KRT9: variants seen among roughly 807,000 people sequenced by gnomAD.
KRT9 encodes keratin, type I cytoskeletal 9.
A neutral mutation model predicts 51.4 loss-of-function variants in KRT9; 34 were observed. The ratio of observed to expected loss-of-function variants is 0.66; its 90% confidence interval spans 0.50 to 0.88. The LOEUF (loss-of-function observed/expected upper bound fraction) is 0.88, where lower values mean the gene tolerates loss of function less well. KRT9 is among the 40% of genes least tolerant of loss of function. The pLI is 0.00. For missense variants in KRT9, 753 were observed against 790.3 expected (o/e 0.95, Z 0.57); for synonymous variants, 292 against 289.7 (o/e 1.01, Z -0.08).
intron 7 of KRT9, 50 bp downstream of exon 7, chr17:41,567,183 A>T: frequency 1.9e-6 from 3 of 1,582,630 alleles, no homozygotes; most frequent in Non-Finnish European, 2.6e-6. Context: ...CAAAAAAAAA[A>T]AAAGGTGAGA....
Position 41,571,923 on chromosome 17 carries a change from T to TAGGAA in KRT9, c.69_70insTTCCT (p.Ser24PhefsTer7). On this transcript the variant is annotated frameshift_variant, in exon 1 of 8. Coordinates refer to ENST00000246662, the MANE Select transcript of KRT9 (RefSeq NM_000226.4). LOFTEE classifies it high-confidence loss of function. ...TAGGAAGACCTTATGCTGCCCCCGC[T>TAGGAA]GCCCAGGCCGCCCCCGCCACCCCCG... 6.3e-7 allele frequency: 1 copy of TAGGAA among 1,586,966 alleles called. No homozygotes were observed. Among genetic ancestry groups the TAGGAA allele is most frequent in the South Asian group, 1.1e-5 (1 of 87,954 alleles).
In KRT9 at chr17:41,567,446, C is replaced by G; in HGVS notation, c.1699G>C (p.Gly567Arg). 6.4e-7 allele frequency: 1 copy of G among 1,555,978 alleles called. No individual in the cohort carries two copies. The highest frequency in any genetic ancestry group is 8.7e-7 in the Non-Finnish European group (1 of 1,149,306). ...NYGGGSGSGG[G>R]SGGGYGGGSG... ...CCTCCACCATAGCCACCCCCACTTC[C>G]TCCTCCAGAGCCACTTCCTCCTCCA... The change falls in exon 7 of 8, where the codon GGA becomes CGA. Residue 567 changes from glycine to arginine, a missense_variant. Gly to Arg is a moderately radical substitution (Grantham distance 125). Coordinates refer to ENST00000246662, the MANE Select transcript of KRT9 (RefSeq NM_000226.4).
intron 6 of KRT9, 59 bp from the exon 7 acceptor site, chr17:41,567,809 G>A: frequency 6.2e-7 from 1 of 1,609,918 alleles, no homozygotes; most frequent in Non-Finnish European, 8.5e-7. Flanking sequence ...CATATATGAG[G>A]ATGGACCTGG....
chr17:41,571,700 C>A lies in KRT9; in HGVS notation c.293G>T (p.Gly98Val), dbSNP rs914181565. 4 of 1,608,732 alleles carry A rather than the reference C, an allele frequency of 2.5e-6. No individual in the cohort carries two copies. Among genetic ancestry groups the A allele is most frequent in the Non-Finnish European group, 3.4e-6 (4 of 1,177,660 alleles). Residue 98 changes from glycine to valine, a missense_variant, in exon 1 of 8, where the codon GGT becomes GTT. Physicochemically the swap from Gly to Val is moderately radical, Grantham distance 109 (BLOSUM62 -3). Transcript: ENST00000246662. ...GGFGGGSRGF[G>V]GASGGGYSSS... ...ACTATAGCCTCCTCCAGAAGCACCA[C>A]CAAAACCTCTGGAACCACCCCCAAA...
In KRT9 at chr17:41,571,889, A is replaced by G; in HGVS notation, c.104T>C (p.Phe35Ser). 1 of 1,609,480 alleles carries G rather than the reference A, an allele frequency of 6.2e-7. No individual in the cohort carries two copies. Among genetic ancestry groups the G allele is most frequent in the Non-Finnish European group, 8.5e-7 (1 of 1,178,106 alleles). ...TCCTCCACCGCCCCCTGAGGAGCTG[A>G]AGCGGCTGTAGGAAGACCTTATGCT... Reference protein sequence around the residue: ...GGSIRSSYSRFSSSGGGGGGG... With the variant: ...GGSIRSSYSRSSSSGGGGGGG... Residue 35 changes from phenylalanine (F) to serine (S), a missense_variant, in exon 1 of 8, where the codon TTC becomes TCC. By Grantham distance (155) the Phe-to-Ser change is radical. Transcript: ENST00000246662.
chr17:41,567,815 C>T (rs1389641989), intron 6 of KRT9, 65 bp from the exon 7 acceptor site: 1 of 1,607,556 alleles, frequency 6.2e-7, no homozygotes, highest in Non-Finnish European at 8.5e-7. Context: ...TGAGGATGGA[C>T]CTGGACAGAG....
Position 41,571,727 on chromosome 17 carries a change from C to A in KRT9, c.266G>T (p.Gly89Val), listed in dbSNP as rs1172582138. ...GGFSASSLGG[G>V]FGGGSRGFGG... Reference sequence around the variant, plus strand: ...AAAACCTCTGGAACCACCCCCAAAGCCACCGCCTAAACTACTGGCACTAAA... The same window carrying A: ...AAAACCTCTGGAACCACCCCCAAAGACACCGCCTAAACTACTGGCACTAAA... Residue 89 changes from glycine to valine, a missense_variant, in exon 1 of 8, where the codon GGC (glycine) becomes GTC (valine). Transcript: ENST00000246662. 6.2e-7 allele frequency: 1 copy of A among 1,612,856 alleles called. No individual in the cohort carries two copies. Among genetic ancestry groups the A allele is most frequent in the Non-Finnish European group, 8.5e-7 (1 of 1,179,536 alleles).
intron 3 of KRT9, 76 bp downstream of exon 3, chr17:41,569,783 G>C: frequency 6.3e-7 from 1 of 1,580,282 alleles, no homozygotes; most frequent in Non-Finnish European, 8.7e-7. Context: ...CCCAGGTAAT[G>C]TTCCAAAGCT....
rs766003500 is a variant in KRT9, at chr17:41,571,341, C to T, written c.642+10G>A. The T allele has an allele frequency of 1.4e-5, 22 of 1,610,484 alleles. No homozygotes were observed. The highest frequency in any genetic ancestry group is 2.5e-6 in the Non-Finnish European group (3 of 1,176,848). ...AAGAGACCAAGACAGAGACAGTTTCCTGCACCTACCTGGTCCTTGAGATCA... is the reference window on the plus strand; with the variant it reads ...AAGAGACCAAGACAGAGACAGTTTCTTGCACCTACCTGGTCCTTGAGATCA... On this transcript the variant is annotated intron_variant, in intron 1 of 7. Coordinates refer to ENST00000246662, the MANE Select transcript of KRT9 (RefSeq NM_000226.4).
chr17:41,567,095 T>C, intron 7 of KRT9, 138 bp downstream of exon 7: 3 of 1,404,660 alleles, frequency 2.1e-6, no homozygotes, highest in Non-Finnish European at 2.9e-6. Context: ...CAAGGGTAGG[T>C]CTCTGACACC....
At position 41,570,149 on chromosome 17, in the gene KRT9, G is replaced by A. The variant is rs1326725614; in HGVS notation, c.714C>T (p.Asp238=). Residue 238 remains aspartate, a synonymous_variant, in exon 2 of 8, where the codon GAC becomes GAT. Transcript: ENST00000246662. Reference sequence around the variant, plus strand: ...GGAGCAGGACTCACTTTATCCTGAAGTCATCCAGTGTCATGCGAGTGTTGT... The same window carrying A: ...GGAGCAGGACTCACTTTATCCTGAAATCATCCAGTGTCATGCGAGTGTTGT... ...DIDNTRMTLD[D]FRIKFEMEQN... is the part of the protein sequence containing the mutation. 6 of 1,614,034 alleles carry A rather than the reference G, an allele frequency of 3.7e-6. No individual in the cohort carries two copies. The South Asian group carries it at 6.6e-5, about 18-fold the overall frequency.
rs1567732454 is a variant in KRT9 at position 41,570,023 on chromosome 17, C to T, written c.726-8G>A. On this transcript the variant is annotated splice_region_variant and splice_polypyrimidine_tract_variant and intron_variant, in intron 2 of 7. Coordinates refer to ENST00000246662, the MANE Select transcript of KRT9 (RefSeq NM_000226.4). ...TTTTGCTCCATCTCAAACCTGCAGA[C>T]CAGCCAGGGTTAGAAAACAATCAAG... The T allele has an allele frequency of 6.2e-7, 1 of 1,614,146 alleles. No homozygotes were observed. Among genetic ancestry groups the T allele is most frequent in the East Asian group, 2.2e-5 (1 of 44,876 alleles).
Position 41,570,142 on chromosome 17 carries a change from T to C in KRT9, c.721A>G (p.Ile241Val). ...GAGAAGAGGAGCAGGACTCACTTTA[T>C]CCTGAAGTCATCCAGTGTCATGCGA... is the stretch of plus-strand genomic sequence containing the variant. ...NTRMTLDDFR[I>V]KFEMEQNLRQ... Residue 241 changes from isoleucine to valine, a missense_variant, in exon 2 of 8, where the codon ATA (isoleucine) becomes GTA (valine). By Grantham distance (29) the Ile-to-Val change is conservative. Around this residue, in one of 3 missense-constraint regions of KRT9, gnomAD observed 507 missense variants for 563.7 expected, o/e 0.90. Coordinates refer to ENST00000246662, the MANE Select transcript of KRT9 (RefSeq NM_000226.4). 1 of 1,614,014 alleles carries C rather than the reference T, an allele frequency of 6.2e-7. No individual in the cohort carries two copies. Among genetic ancestry groups the C allele is most frequent in the Non-Finnish European group, 8.5e-7 (1 of 1,179,936 alleles).
At chr17:41,570,351 C>T in intron 1 of KRT9, 131 bp from the exon 2 acceptor site, 1 of 806,926 alleles carries the variant, frequency 1.2e-6, no homozygotes, top group Non-Finnish European at 2.2e-6. Flanking sequence ...GAACTTCCAA[C>T]AGCTGGGACA....
In KRT9 at chr17:41,568,260, G is replaced by A. The variant is rs1906944468; in HGVS notation, c.1296C>T (p.Cys432=). ...GCAGAAGGCTGTATTCCTGATTCTG[G>A]CACTCGATCTCTTGCCGGACGTCAG... is the stretch of plus-strand genomic sequence containing the variant. ...QITDVRQEIE[C]QNQEYSLLLS... The change falls in exon 6 of 8, where the codon TGC becomes TGT. Residue 432 remains cysteine, a synonymous_variant. Transcript: ENST00000246662. 1 of 1,613,958 alleles carries A rather than the reference G, an allele frequency of 6.2e-7. No homozygotes were observed. The highest frequency in any genetic ancestry group is 8.5e-7 in the Non-Finnish European group (1 of 1,180,020).
At chr17:41,568,056 AC>A in intron 6 of KRT9, 105 bp downstream of exon 6, 1 of 1,078,888 alleles carries the variant, frequency 9.3e-7, no homozygotes, top group Non-Finnish European at 1.4e-6. Context: ...AACCCATAAG[AC>A]CCTGTGTATA....
chr17:41,568,410 G>C, intron 5 of KRT9, 25 bp from the exon 6 acceptor site: 1 of 1,613,962 alleles, frequency 6.2e-7, no homozygotes, highest in Non-Finnish European at 8.5e-7. Flanking sequence ...AAGGCTTTAA[G>C]AGGGATGCTA....
chr17:41,569,484 TC>T lies in KRT9; in HGVS notation c.985del (p.Glu329SerfsTer21), dbSNP rs1160239319. 1.9e-6 allele frequency: 3 copies of T among 1,614,176 alleles called. No individual in the cohort carries two copies. Among genetic ancestry groups the T allele is most frequent in the Non-Finnish European group, 2.5e-6 (3 of 1,180,028 alleles). On this transcript the variant is annotated frameshift_variant, in exon 4 of 8. Transcript: ENST00000246662. LOFTEE classifies it high-confidence loss of function. ...LTKTLNDMRQ[E>X]YEQLIAKNRK... ...GTTCTTAGCAATGAGCTGCTCATAC[TC>T]CTGACGCATGTCATTGAGGGTCTTG...
chr17:41,566,431 A>AT (rs1567730794), intron 7 of KRT9, among the ~76,000 whole-genome samples: 1 of 152,038 alleles, frequency 6.6e-6, no homozygotes, highest in Non-Finnish European at 1.5e-5. Flanking sequence ...TTGTTAGTCA[A>AT]TTTTTTGTAT....
Sources: gnomAD v4.1 joint callset for allele counts (sites outside exome capture counted in the v4.1 genomes callset) on GRCh38, gnomAD v4.1.1 for gene constraint, gnomAD v4.1.1 regional missense constraint, MANE v1.5 for transcripts, NCBI Gene and HGNC (gene_info 2026-07-23, HGNC 2026-07-21) for gene names.